Variants in ARHGEF1 observed in about 807,000 individuals in gnomAD.
ARHGEF1 encodes 115 kDa guanine nucleotide exchange factor.
A neutral mutation model predicts 119.7 loss-of-function variants in ARHGEF1; 40 were observed. The ratio of observed to expected loss-of-function variants is 0.33; its 90% CI spans 0.26 to 0.44. The LOEUF (loss-of-function observed/expected upper bound fraction) is 0.44, where lower values mean the gene tolerates loss of function less well. Among genes scored for constraint, ARHGEF1 ranks in the 20% least tolerant of loss-of-function variants. ARHGEF1 has a pLI of 1.00. For synonymous variants in ARHGEF1, 494 were observed against 521.0 expected, an observed-to-expected ratio of 0.95 and a Z score of 0.71; for missense variants, 976 against 1,268.3, an observed-to-expected ratio of 0.77 and a Z score of 3.50.
chr19:41,905,996 G>A lies in ARHGEF1; in HGVS notation c.2462G>A (p.Gly821Asp). ...CCCTTCTGCAGACCAGGCCCCGAGG[G>A]CCAGCTCGCTGCCACGGCCCTTCGG... ...LLPFCRPGPE[G>D]QLAATALRKV... Residue 821 changes from glycine (G) to aspartate (D), a missense_variant, in exon 26 of 29, where the codon GGC becomes GAC. By Grantham distance (94) the Gly-to-Asp change is moderately conservative. Coordinates refer to ENST00000354532, the MANE Select transcript of ARHGEF1 (RefSeq NM_004706.4). This position sits in a 1 kb window ranked among gnomAD's most constrained non-coding sequence, Gnocchi z 6.4. 1 of 1,614,014 alleles carries A rather than the reference G, an allele frequency of 6.2e-7. No homozygotes were observed. Among genetic ancestry groups the A allele is most frequent in the Non-Finnish European group, 8.5e-7 (1 of 1,180,002 alleles).
Position 41,888,536 on chromosome 19 carries a change from G to T in ARHGEF1, c.112-216G>T, listed in dbSNP as rs2074329244. Among the ~76,000 whole-genome samples the T allele has an allele frequency of 6.6e-6, 1 of 152,022 alleles. No individual in the cohort carries two copies. Among genetic ancestry groups the T allele is most frequent in the African/African-American group, 2.4e-5 (1 of 41,370 alleles). On this transcript the variant is annotated intron_variant, in intron 3 of 28. Coordinates refer to ENST00000354532, the MANE Select transcript of ARHGEF1 (RefSeq NM_004706.4). The surrounding 1 kb of genome is among the most constrained non-coding windows in gnomAD (Gnocchi z 5.1). ...CCCAATTTCTTCTCTCCTAATTTCT[G>T]TCCTCATCATCCACCATTATAATAT...
chr19:41,895,605 C>A, intron 12 of ARHGEF1, 119 bp downstream of exon 12: 1 of 1,116,136 alleles, frequency 9.0e-7, no homozygotes, highest in Non-Finnish European at 1.2e-6. Flanking sequence ...CCTTTGCTCT[C>A]AGCATCCACT....
At chr19:41,894,747 GGC>G (rs2074449625) in intron 11 of ARHGEF1, 86 bp downstream of exon 11, 1 of 1,427,694 alleles carries the variant, frequency 7.0e-7, no homozygotes, top group Admixed American at 1.8e-5. Flanking sequence ...AGGGAGGAGG[GGC>G]TGGGACCTGG....
At position 41,888,401 on chromosome 19, in the gene ARHGEF1, C is replaced by A; in HGVS notation, c.111+123C>A. The A allele has an allele frequency of 1.1e-6, 1 of 937,634 alleles. No individual in the cohort carries two copies. 58.1% of individuals were successfully genotyped at this position (937,634 alleles called of 1,614,324 possible). A position where few individuals can be genotyped will look rare whatever the true frequency, so the allele number is the denominator to read the frequency against. Reference sequence around the variant, plus strand: ...ACGGTCTGTCTCATCCTCTCATCTCCCTGGTACCTCCTTCCTCACCTCGCC... The same window carrying A: ...ACGGTCTGTCTCATCCTCTCATCTCACTGGTACCTCCTTCCTCACCTCGCC... On this transcript the variant is annotated intron_variant, in intron 3 of 28. Coordinates refer to ENST00000354532, the MANE Select transcript of ARHGEF1 (RefSeq NM_004706.4). This position sits in a 1 kb window ranked among gnomAD's most constrained non-coding sequence, Gnocchi z 5.1.
chr19:41,895,178 G>C (rs1449571919), intron 11 of ARHGEF1, among the ~76,000 whole-genome samples, 171 bp from the exon 12 acceptor site: 1 of 151,246 alleles, frequency 6.6e-6, no homozygotes, highest in Non-Finnish European at 1.5e-5. Context: ...CTGGGGGCCT[G>C]GACTCCTGTG....
chr19:41,922,735 G>T (rs187817760), upstream of ARHGEF1, among the ~76,000 whole-genome samples: 3 of 152,164 alleles, frequency 2.0e-5, no homozygotes, highest in Non-Finnish European at 2.9e-5. Context: ...CAGCCGGGCT[G>T]GGGGGGACTC....
At chr19:41,909,589 A>G, downstream of ARHGEF1, 1 of 880,580 alleles carries the variant, frequency 1.1e-6, no homozygotes, top group South Asian at 2.7e-5. This position sits in a 1 kb window ranked among gnomAD's most constrained non-coding sequence, Gnocchi z 5.2. Flanking sequence ...ACTTGGGGAA[A>G]CTGAGGCTCA....
chr19:41,907,120 G>A lies in ARHGEF1; in HGVS notation c.*33G>A, dbSNP rs1555850448. On this transcript the variant is annotated 3_prime_UTR_variant, in exon 29 of 29. Transcript: ENST00000354532. ...CATCCCCCAGGCCTTTTGCAAGAAG[G>A]AGAGGAATGGGGGAGAGGACGTGAG... is the stretch of plus-strand genomic sequence containing the variant. 5.9e-6 allele frequency: 9 copies of A among 1,527,978 alleles called. No individual in the cohort carries two copies. The highest frequency in any genetic ancestry group is 1.4e-5 in the African/African-American group (1 of 72,640). 94.7% of individuals were successfully genotyped at this position (1,527,978 alleles called of 1,614,324 possible). A position where few individuals can be genotyped will look rare whatever the true frequency, so the allele number is the denominator to read the frequency against.
intron 11 of ARHGEF1, among the ~76,000 whole-genome samples, chr19:41,894,870 T>C (rs1205983982): frequency 1.3e-5 from 1 of 77,796 alleles, no homozygotes; most frequent in Non-Finnish European, 2.0e-5. Context: ...CCTGGACCCC[T>C]GGGTCTGAGG....
At chr19:41,918,958 GCACACCA>G (rs1196159635), upstream of ARHGEF1, among the ~76,000 whole-genome samples, 3 of 134,222 alleles carry the variant, frequency 2.2e-5, no homozygotes, top group Non-Finnish European at 3.2e-5. Context: ...ATACACACAT[GCACACCA>G]CACACCACAC....
At chr19:41,915,926 TC>T in intron 18 of ARHGEF1, among the ~76,000 whole-genome samples, 1 of 151,116 alleles carries the variant, frequency 6.6e-6, no homozygotes, top group Non-Finnish European at 1.5e-5. Flanking sequence ...GCAGCCACAA[TC>T]CCCCACCCCC....
In ARHGEF1 at chr19:41,916,760, G is replaced by A. The variant is rs561255624; in HGVS notation, c.1866-6332G>A. On this transcript the variant is annotated intron_variant, in intron 18 of 20. Transcript: ENST00000599589. This position sits in a 1 kb window ranked among gnomAD's most constrained non-coding sequence, Gnocchi z 5.4. The stretch of plus-strand genomic sequence containing the variant: ...ACCAGCACCAACCCAGACAGCCAAC[G>A]CACACGGCCACACACACACCCATTC... 4.5e-4 allele frequency among the ~76,000 whole-genome samples: 68 copies of A among 151,476 alleles called. 1 individual carries two copies. Among genetic ancestry groups the A allele is most frequent in the Admixed American group, 6.6e-5 (1 of 15,226 alleles).
downstream of ARHGEF1, among the ~76,000 whole-genome samples, chr19:41,912,212 A>G (rs978380581): frequency 1.1e-4 from 17 of 152,136 alleles, no homozygotes; most frequent in Non-Finnish European, 2.2e-4. Flanking sequence ...GTGCAGACAC[A>G]TTCTCCCAGT....
Position 41,902,395 on chromosome 19 carries a change from C to T in ARHGEF1, c.1497+39C>T. 2 of 1,613,234 alleles carry T rather than the reference C, an allele frequency of 1.2e-6. No individual in the cohort carries two copies. The highest frequency in any genetic ancestry group is 3.3e-5 in the Admixed American group (2 of 60,016). The stretch of plus-strand genomic sequence containing the variant: ...CCCTCCCGCTCCTCCCAGCTAGACA[C>T]ATGGAATTCAGGCCCGGGACGGGTC... On this transcript the variant is annotated intron_variant, in intron 16 of 28. Transcript: ENST00000354532. This position sits in a 1 kb window ranked among gnomAD's most constrained non-coding sequence, Gnocchi z 6.5.
chr19:41,909,655 AC>A (rs1252538736), downstream of ARHGEF1, among the ~76,000 whole-genome samples: 1 of 151,990 alleles, frequency 6.6e-6, no homozygotes, highest in Non-Finnish European at 1.5e-5. The surrounding 1 kb of genome is among the most constrained non-coding windows in gnomAD (Gnocchi z 5.2). Context: ...AGGAGCGGGG[AC>A]CCTGCCCTGC....
rs1379043391 is a variant in ARHGEF1 at position 41,895,595 on chromosome 19, C to T, written c.1015+109C>T. On this transcript the variant is annotated intron_variant, in intron 12 of 28. Coordinates refer to ENST00000354532, the MANE Select transcript of ARHGEF1 (RefSeq NM_004706.4). ...GAAGCCATTCCCCAGCAACACCTCC[C>T]CTTTGCTCTCAGCATCCACTTCTCC... The T allele has an allele frequency of 3.3e-6, 4 of 1,222,346 alleles. No individual in the cohort carries two copies. In the Admixed American group the frequency reaches 7.5e-5, roughly 23 times the overall value. 75.7% of individuals were successfully genotyped at this position (1,222,346 alleles called of 1,614,324 possible).
chr19:41,886,951 G>T (rs537153104), intron 1 of ARHGEF1, among the ~76,000 whole-genome samples: 1 of 152,338 alleles, frequency 6.6e-6, no homozygotes, highest in African/African-American at 2.4e-5. Context: ...GGACACAGAA[G>T]ATGTCGGTGG....
rs376815607 is a variant in ARHGEF1, at chr19:41,892,645, G to A, written c.410G>A (p.Arg137Gln). 14 of 1,612,488 alleles carry A rather than the reference G, an allele frequency of 8.7e-6. No homozygotes were observed. Among genetic ancestry groups the A allele is most frequent in the East Asian group, 2.2e-5 (1 of 44,864 alleles). ...ADLISEDVQR[R>Q]FVQEVVQSQQ... Reference sequence around the variant, plus strand: ...CTCATCTCCGAGGATGTCCAGCGGCGGTTCGTGCAGGAGGTGGTGCAAAGC... The same window carrying A: ...CTCATCTCCGAGGATGTCCAGCGGCAGTTCGTGCAGGAGGTGGTGCAAAGC... The change falls in exon 7 of 29, where the codon CGG becomes CAG. Residue 137 changes from arginine to glutamine, a missense_variant. Around this residue, in one of 3 missense-constraint regions of ARHGEF1, gnomAD observed 519 missense variants for 580.9 expected, o/e 0.89. Coordinates refer to ENST00000354532, the MANE Select transcript of ARHGEF1 (RefSeq NM_004706.4). The surrounding 1 kb of genome is among the most constrained non-coding windows in gnomAD (Gnocchi z 6.3).
Position 41,892,043 on chromosome 19 carries a change from G to A in ARHGEF1, c.244G>A (p.Asp82Asn), listed in dbSNP as rs374342194. 28 of 1,610,162 alleles carry A rather than the reference G, an allele frequency of 1.7e-5. No individual in the cohort carries two copies. Among genetic ancestry groups the A allele is most frequent in the Non-Finnish European group, 2.2e-5 (26 of 1,177,440 alleles). ...CCCCCAGCTTTGCTGTCTGCATGCC[G>A]ACATGCTGGGCTCACTGGGCCCCAA... Reference protein sequence around the residue: ...PGPLLCCLHADMLGSLGPKEA... With the variant: ...PGPLLCCLHANMLGSLGPKEA... Residue 82 changes from aspartate to asparagine, a missense_variant, in exon 5 of 29, where the codon GAC becomes AAC. Transcript: ENST00000354532. The surrounding 1 kb of genome is among the most constrained non-coding windows in gnomAD (Gnocchi z 6.3).
Sources: gnomAD v4.1 joint callset for allele counts (sites outside exome capture counted in the v4.1 genomes callset) on GRCh38, gnomAD v4.1.1 for gene constraint, gnomAD v4.1.1 regional missense constraint, Gnocchi (gnomAD v3.1) non-coding constraint, MANE v1.5 for transcripts, NCBI Gene and HGNC (gene_info 2026-07-23, HGNC 2026-07-21) for gene names.